Variants in ARHGAP42 observed in about 807,000 individuals in gnomAD.
ARHGAP42 encodes the protein rho GTPase-activating protein 42.
A neutral mutation model predicts 125.0 loss-of-function variants in ARHGAP42; 63 were observed. The observed-to-expected ratio is 0.50, with a 90% CI of 0.41 to 0.62. ARHGAP42 has a LOEUF of 0.62. Among genes scored for constraint, ARHGAP42 ranks in the 20% least tolerant of loss-of-function variants. The pLI is 0.00. For synonymous variants in ARHGAP42, 339 were observed against 351.0 expected (o/e 0.97, Z 0.38); for missense variants, 766 against 1,024.2 (o/e 0.75, Z 3.44).
At chr11:100,829,692 A>T (rs1216327881) in intron 3 of ARHGAP42, among the ~76,000 whole-genome samples, 1 of 152,172 alleles carries the variant, frequency 6.6e-6, no homozygotes, top group African/African-American at 2.4e-5. Context: ...TCCAATGGTT[A>T]ATGATTCCTT....
Position 100,973,229 on chromosome 11 carries a change from A to G in ARHGAP42, c.1605A>G (p.Ile535Met), listed in dbSNP as rs960835175. 5.2e-6 allele frequency: 8 copies of G among 1,551,120 alleles called. No homozygotes were observed. Among genetic ancestry groups the G allele is most frequent in the Non-Finnish European group, 7.0e-6 (8 of 1,146,644 alleles). Reference sequence around the variant, plus strand: ...TGACTGTCTCAAATCTTGGTGTCATATTTGGCCCAACTCTAATGAGAGCAC... The same window carrying G: ...TGACTGTCTCAAATCTTGGTGTCATGTTTGGCCCAACTCTAATGAGAGCAC... ...NLMTVSNLGV[I>M]FGPTLMRAQE... is the part of the protein sequence containing the mutation. Residue 535 changes from isoleucine to methionine, a missense_variant, in exon 18 of 24, where the codon ATA becomes ATG. This residue lies in a region of ARHGAP42 where 455 missense variants were observed against 636.5 expected (regional missense o/e 0.71). Transcript: ENST00000298815.
At chr11:100,839,825 A>G (rs1387257733) in intron 3 of ARHGAP42, 1 of 152,182 alleles carries the variant, frequency 6.6e-6, no homozygotes, top group Non-Finnish European at 1.5e-5. Context: ...AGGGTATATG[A>G]GTAGCTGCAC....
At chr11:100,847,044 A>T (rs1363929039) in intron 3 of ARHGAP42, among the ~76,000 whole-genome samples, 1 of 152,194 alleles carries the variant, frequency 6.6e-6, no homozygotes, top group Non-Finnish European at 1.5e-5. Flanking sequence ...GGAGTGGTCC[A>T]GTGACAGTGG....
At chr11:100,899,673 TTG>T (rs1190979161) in intron 4 of ARHGAP42, among the ~76,000 whole-genome samples, 1 of 79,328 alleles carries the variant, frequency 1.3e-5, no homozygotes, top group African/African-American at 3.4e-5. Flanking sequence ...TCCCTGCTTT[TTG>T]TTTGTTTGTT....
At chr11:100,910,844 C>A (rs971507330) in intron 4 of ARHGAP42, among the ~76,000 whole-genome samples, 1 of 151,848 alleles carries the variant, frequency 6.6e-6, no homozygotes, top group Non-Finnish European at 1.5e-5. Flanking sequence ...TCATTGGAAC[C>A]CTTGAGATCT....
chr11:100,892,425 C>T (rs1866241680), intron 4 of ARHGAP42, among the ~76,000 whole-genome samples: 1 of 151,930 alleles, frequency 6.6e-6, no homozygotes, highest in Non-Finnish European at 1.5e-5. Flanking sequence ...ATTGTATTTA[C>T]TAAAAAATCC....
chr11:100,936,810 A>G (rs776563821), intron 8 of ARHGAP42, among the ~76,000 whole-genome samples: 1 of 152,220 alleles, frequency 6.6e-6, no homozygotes, highest in Non-Finnish European at 1.5e-5. Context: ...ACCAAAGCCA[A>G]TAGAGCACTA....
At chr11:100,795,249 CT>C in intron 3 of ARHGAP42, 83 bp downstream of exon 3, 2 of 1,042,446 alleles carry the variant, frequency 1.9e-6, no homozygotes, top group Non-Finnish European at 2.7e-6. Flanking sequence ...AACTAGAGAA[CT>C]TTATACAAGG....
intron 16 of ARHGAP42, among the ~76,000 whole-genome samples, chr11:100,965,177 C>G (rs1288827208): frequency 6.6e-6 from 1 of 152,062 alleles, no homozygotes; most frequent in Admixed American, 6.5e-5. Context: ...ATTCCATTAC[C>G]TCACCTCCCA....
chr11:100,910,060 C>A (rs1315071366), intron 4 of ARHGAP42, among the ~76,000 whole-genome samples: 4 of 152,108 alleles, frequency 2.6e-5, no homozygotes, highest in African/African-American at 9.7e-5. Context: ...GCACTATACC[C>A]AGAATAAATG....
Position 100,688,070 on chromosome 11 carries a change from G to T in ARHGAP42, c.154+238G>T, listed in dbSNP as rs529780720. On this transcript the variant is annotated intron_variant, in intron 1 of 23. Coordinates refer to ENST00000298815, the MANE Select transcript of ARHGAP42 (RefSeq NM_152432.4). Reference sequence around the variant, plus strand: ...ACAGGGCACTGGAATATATCCTGAGGAAAGTCGTTCAAAGTCATCTCGTTG... The same window carrying T: ...ACAGGGCACTGGAATATATCCTGAGTAAAGTCGTTCAAAGTCATCTCGTTG... 1.5e-5 allele frequency: 5 copies of T among 326,348 alleles called. No homozygotes were observed. The East Asian group carries it at 2.5e-4, about 16-fold the overall frequency. The allele number at this position is 326,348 out of a possible 1,614,324, so 20.2% of individuals were successfully genotyped here.
At chr11:100,936,491 G>A (rs562399067) in intron 8 of ARHGAP42, among the ~76,000 whole-genome samples, 159 bp downstream of exon 8, 3 of 152,096 alleles carry the variant, frequency 2.0e-5, no homozygotes, top group African/African-American at 4.8e-5. Context: ...ACGTTTTTCC[G>A]CATTTTGCCA....
intron 3 of ARHGAP42, among the ~76,000 whole-genome samples, chr11:100,817,015 C>G (rs1194352179): frequency 6.6e-6 from 1 of 152,194 alleles, no homozygotes; most frequent in Non-Finnish European, 1.5e-5. Flanking sequence ...GCTAAAGTCT[C>G]AGGAAGCCTG....
chr11:100,992,839 A>G lies in ARHGAP42; in HGVS notation c.*4038A>G. The G allele has an allele frequency of 1.0e-6, 1 of 959,980 alleles. No individual in the cohort carries two copies. Among genetic ancestry groups the G allele is most frequent in the Non-Finnish European group, 1.5e-6 (1 of 647,812 alleles). The allele number at this position is 959,980 out of a possible 1,614,324, so 59.5% of individuals were successfully genotyped here. A position where few individuals can be genotyped will look rare whatever the true frequency, so the allele number is the denominator to read the frequency against. On this transcript the variant is annotated 3_prime_UTR_variant, in exon 24 of 24. Coordinates refer to ENST00000298815, the MANE Select transcript of ARHGAP42 (RefSeq NM_152432.4). ...AGCCATTGGCAGAAAATTGATCTGC[A>G]TGTCCTAGACCAATGATTACAAGGT...
intron 5 of ARHGAP42, among the ~76,000 whole-genome samples, chr11:100,917,993 A>T (rs982366444): frequency 5.3e-5 from 8 of 152,130 alleles, no homozygotes; most frequent in African/African-American, 1.9e-4. Context: ...CAGATAAGAG[A>T]TCTTTTTATA....
At chr11:100,889,277 G>A (rs1430712614) in intron 4 of ARHGAP42, among the ~76,000 whole-genome samples, 3 of 152,072 alleles carry the variant, frequency 2.0e-5, no homozygotes, top group African/African-American at 7.2e-5. Context: ...TGACAGGTGG[G>A]GCCTTTTGAG....
At chr11:100,796,749 TC>T (rs1863725076) in intron 3 of ARHGAP42, among the ~76,000 whole-genome samples, 1 of 148,810 alleles carries the variant, frequency 6.7e-6, no homozygotes, top group African/African-American at 2.5e-5. Flanking sequence ...TGAGAACAAG[TC>T]CCTAACTCTT....
chr11:100,980,559 C>CTTCTTCTTTTTTTTTTT (rs1555037006), intron 22 of ARHGAP42, among the ~76,000 whole-genome samples: 7 of 51,960 alleles, frequency 1.3e-4, no homozygotes, highest in Non-Finnish European at 1.9e-4. Flanking sequence ...TTTTCTTCTT[C>CTTCTTCTTTTTTTTTTT]TTTTTTTTTT....
At position 100,943,812 on chromosome 11, in the gene ARHGAP42, A is replaced by C. The variant is rs748462774; in HGVS notation, c.987A>C (p.Arg329=). Residue 329 remains arginine (R), a synonymous_variant, in exon 10 of 24, where the codon CGA becomes CGC. Coordinates refer to ENST00000298815, the MANE Select transcript of ARHGAP42 (RefSeq NM_152432.4). ...PEMFKLKSCI[R]RKTDSIDKRF... ...TGTTTAAATTAAAATCTTGTATCCG[A>C]CGAAAGACAGATTCAATTGACAAAC... 1.6e-5 allele frequency: 25 copies of C among 1,549,798 alleles called. No individual in the cohort carries two copies. Among genetic ancestry groups the C allele is most frequent in the Non-Finnish European group, 1.8e-5 (21 of 1,145,904 alleles).
Sources: gnomAD v4.1 joint callset for allele counts (sites outside exome capture counted in the v4.1 genomes callset) on GRCh38, gnomAD v4.1.1 for gene constraint, gnomAD v4.1.1 regional missense constraint, MANE v1.5 for transcripts, NCBI Gene and HGNC (gene_info 2026-07-23, HGNC 2026-07-21) for gene names.